ZNF536: variants seen among roughly 807,000 people sequenced by gnomAD.
ZNF536 encodes the protein zinc finger protein 536.
A neutral mutation model predicts 84.5 loss-of-function variants in ZNF536; 13 were observed. The observed-to-expected ratio is 0.15, with a 90% CI of 0.10 to 0.24. ZNF536 has a LOEUF of 0.24. Ranked by LOEUF, ZNF536 falls within the 10% of genes least tolerant of loss-of-function variation. ZNF536 has a pLI of 1.00. For synonymous variants in ZNF536, 811 were observed against 742.5 expected, an observed-to-expected ratio of 1.09 and a Z score of -1.50; for missense variants, 1,536 against 1,747.5, an observed-to-expected ratio of 0.88 and a Z score of 2.16.
chr19:30,446,632 C>T (rs73546130), intron 2 of ZNF536, among the ~76,000 whole-genome samples: 4,385 of 152,240 alleles, frequency 0.029, 218 homozygotes, highest in African/African-American at 0.1. Context: ...CACCACTTTC[C>T]TCTGATGGTT....
At chr19:30,535,957 C>T (rs1464604142) in intron 3 of ZNF536, among the ~76,000 whole-genome samples, 2 of 152,164 alleles carry the variant, frequency 1.3e-5, no homozygotes, top group Non-Finnish European at 2.9e-5. Flanking sequence ...AACCCCTCAC[C>T]TGGTGCCTCA....
chr19:30,323,994 C>G (rs1339335189), intron 2 of ZNF536, among the ~76,000 whole-genome samples: 1 of 152,026 alleles, frequency 6.6e-6, no homozygotes, highest in East Asian at 1.9e-4. Context: ...CCCTTATTCA[C>G]CTGTACTCAC....
chr19:30,558,263 A>T (rs1468306433), downstream of ZNF536, among the ~76,000 whole-genome samples: 1 of 152,118 alleles, frequency 6.6e-6, no homozygotes, highest in Non-Finnish European at 1.5e-5. Context: ...ATGCAAGTGG[A>T]AAAGGACCTT....
chr19:30,284,705 G>A (rs997212341), intron 2 of ZNF536, among the ~76,000 whole-genome samples: 1 of 152,148 alleles, frequency 6.6e-6, no homozygotes, highest in Non-Finnish European at 1.5e-5. Flanking sequence ...ATCTTTGGTG[G>A]CCTCATCTGA....
At chr19:30,352,936 AG>A (rs2047979669) in intron 3 of ZNF536, among the ~76,000 whole-genome samples, 1 of 152,208 alleles carries the variant, frequency 6.6e-6, no homozygotes, top group African/African-American at 2.4e-5. Flanking sequence ...ATCAAAGTGA[AG>A]ATTTGAAATA....
At chr19:30,399,687 T>G (rs1489378227) in intron 1 of ZNF536, among the ~76,000 whole-genome samples, 8 of 150,204 alleles carry the variant, frequency 5.3e-5, no homozygotes, top group Non-Finnish European at 1.2e-4. Flanking sequence ...ATGTTTTTTT[T>G]TTTTTTTTTT....
intron 2 of ZNF536, among the ~76,000 whole-genome samples, chr19:30,497,369 T>C (rs2054765535): frequency 6.6e-6 from 1 of 152,220 alleles, no homozygotes; most frequent in Admixed American, 6.5e-5. Flanking sequence ...TAACCCAGCA[T>C]GCAGGGACGC....
At chr19:30,657,466 G>A (rs1236810677) in intron 1 of ZNF536, among the ~76,000 whole-genome samples, 2 of 152,208 alleles carry the variant, frequency 1.3e-5, no homozygotes, top group Non-Finnish European at 2.9e-5. Flanking sequence ...TAGGAGACCA[G>A]ACTCTCTCGG....
chr19:30,615,147 G>A (rs1056046198), intron 1 of ZNF536, among the ~76,000 whole-genome samples: 13 of 147,812 alleles, frequency 8.8e-5, no homozygotes, highest in African/African-American at 2.8e-4. Flanking sequence ...GGGTTTCACC[G>A]TGTTAGCCAG....
intron 1 of ZNF536, among the ~76,000 whole-genome samples, chr19:30,662,119 C>A (rs2050142749): frequency 6.6e-6 from 1 of 152,204 alleles, no homozygotes; most frequent in South Asian, 2.1e-4. Flanking sequence ...CATCTCCTGC[C>A]CTGTCCTCTC....
At chr19:30,664,248 CT>C (rs1219875012) in intron 1 of ZNF536, among the ~76,000 whole-genome samples, 12 of 148,530 alleles carry the variant, frequency 8.1e-5, no homozygotes, top group Admixed American at 5.4e-4. Flanking sequence ...CTCTCTCTCT[CT>C]CTCTCTCTCT....
At position 30,445,010 on chromosome 19, in the gene ZNF536, G is replaced by T. The variant is rs1281234076; in HGVS notation, c.1448G>T (p.Gly483Val). 16 of 1,611,740 alleles carry T rather than the reference G, an allele frequency of 9.9e-6. No homozygotes were observed. The highest frequency in any genetic ancestry group is 1.7e-5 in the Admixed American group (1 of 59,940). ...ISSMAHGVPE[G>V]DKHSLLGCLN... The stretch of plus-strand genomic sequence containing the variant: ...AGCATGGCCCACGGCGTCCCGGAGG[G>T]GGACAAGCACTCCCTCCTGGGATGC... Residue 483 changes from glycine (G) to valine (V), a missense_variant, in exon 2 of 5, where the codon GGG becomes GTG. Physicochemically the swap from Gly to Val is moderately radical, Grantham distance 109. This residue lies in a region of ZNF536 where 366 missense variants were observed against 364.4 expected (regional missense o/e 1.00). Transcript: ENST00000355537. The surrounding 1 kb of genome is among the most constrained non-coding windows in gnomAD (Gnocchi z 4.5).
At chr19:30,545,627 G>T (rs1279107326) in intron 3 of ZNF536, among the ~76,000 whole-genome samples, 5 of 151,968 alleles carry the variant, frequency 3.3e-5, no homozygotes, top group African/African-American at 4.8e-5. Flanking sequence ...TCGATCTCCT[G>T]ACCTTGTGAT....
At chr19:30,623,964 G>A (rs559976249) in intron 1 of ZNF536, among the ~76,000 whole-genome samples, 2 of 152,156 alleles carry the variant, frequency 1.3e-5, no homozygotes, top group Non-Finnish European at 2.9e-5. Context: ...TAGAGAAGTG[G>A]TGTCCTTTAT....
At chr19:30,237,904 A>G (rs1001269886) in intron 1 of ZNF536, among the ~76,000 whole-genome samples, 3 of 152,130 alleles carry the variant, frequency 2.0e-5, no homozygotes, top group African/African-American at 7.2e-5. Flanking sequence ...TTTGTTTTAA[A>G]GCAGTGTAAC....
At chr19:30,400,377 C>T (rs537146442) in intron 1 of ZNF536, among the ~76,000 whole-genome samples, 170 of 152,236 alleles carry the variant, frequency 1.1e-3, no homozygotes, top group African/African-American at 4.0e-3. Flanking sequence ...TTGTTTGCAT[C>T]CTCAGCAGCA....
chr19:30,438,641 G>A (rs1304927541), intron 1 of ZNF536, among the ~76,000 whole-genome samples: 1 of 152,182 alleles, frequency 6.6e-6, no homozygotes, highest in Non-Finnish European at 1.5e-5. Flanking sequence ...CCTTCCAGCA[G>A]GTCTTTTATT....
At chr19:30,225,694 G>T (rs1312325066), upstream of ZNF536, among the ~76,000 whole-genome samples, 3 of 146,106 alleles carry the variant, frequency 2.1e-5, no homozygotes, top group African/African-American at 2.5e-5. Context: ...AGGTGGGGGG[G>T]GGATCGCGGG....
chr19:30,355,278 A>G (rs923956590), intron 3 of ZNF536, among the ~76,000 whole-genome samples: 1 of 152,130 alleles, frequency 6.6e-6, no homozygotes, highest in Admixed American at 6.5e-5. Context: ...GGGAGGTCCC[A>G]GACTCTTTTA....
Sources: allele counts gnomAD v4.1 joint callset (sites outside exome capture counted in the v4.1 genomes callset), GRCh38; gene constraint gnomAD v4.1.1; regional missense constraint gnomAD v4.1.1; non-coding constraint Gnocchi (gnomAD v3.1); transcripts MANE v1.5; gene names NCBI Gene and HGNC (gene_info 2026-07-23, HGNC 2026-07-21).